The following REXO4 variants were observed in gnomAD, a reference collection of about 807,000 sequenced individuals.
REXO4 encodes the protein RNA exonuclease 4, also known as REX4 homolog, 3'-5' exonuclease.
In REXO4, 29 loss-of-function variants were observed where a neutral mutation model predicts 39.9. That is an observed-to-expected ratio of 0.73 (90% CI 0.54 to 0.99). REXO4 has a LOEUF of 0.99. Ranked by LOEUF, REXO4 falls within the 50% of genes least tolerant of loss-of-function variation. The pLI is 0.00. For missense variants in REXO4, 524 were observed against 546.5 expected (o/e 0.96, Z 0.41); for synonymous variants, 184 against 206.2 (o/e 0.89, Z 0.92).
At chr9:133,415,161 C>T (rs180774035) in intron 1 of REXO4, 150 bp from the exon 2 acceptor site, 53 of 674,000 alleles carry the variant, frequency 7.9e-5, no homozygotes, top group African/African-American at 5.8e-4. Flanking sequence ...CATTTTCAAA[C>T]GGTTTGGAAA....
chr9:133,407,821 C>T lies in REXO4; in HGVS notation c.1135G>A (p.Ala379Thr). Residue 379 changes from alanine (A) to threonine (T), a missense_variant, in exon 7 of 8, where the codon GCG (alanine) becomes ACG (threonine). Physicochemically the swap from Ala to Thr is moderately conservative, Grantham distance 58. Transcript: ENST00000371942. ...EKILGLQVQQ[A>T]EHCSIQDAQA... is the part of the protein sequence containing the mutation. The stretch of plus-strand genomic sequence containing the variant: ...GACACACTTACTGAACAGTGCTCCG[C>T]CTGCTGGACCTGGAGCCCAAGGATC... The T allele has an allele frequency of 6.2e-7, 1 of 1,613,936 alleles. No individual in the cohort carries two copies. The highest frequency in any genetic ancestry group is 8.5e-7 in the Non-Finnish European group (1 of 1,179,946).
chr9:133,411,197 T>TACGGAGGGTGACTCGAAGCCACC, intron 4 of REXO4, 124 bp from the exon 5 acceptor site: 1 of 778,522 alleles, frequency 1.3e-6, no homozygotes, highest in South Asian at 1.5e-5. Context: ...GCAATGCCAC[T>TACGGAGGGTGACTCGAAGCCACC]ACGGAGGGTG....
chr9:133,407,714 C>A, intron 7 of REXO4, 93 bp downstream of exon 7: 1 of 944,212 alleles, frequency 1.1e-6, no homozygotes, highest in Non-Finnish European at 1.6e-6. Context: ...GCCCAAGCCC[C>A]ACCTCCCCCA....
In REXO4 at chr9:133,417,806, C is replaced by G; in HGVS notation, c.39G>C (p.Pro13=). 6.2e-7 allele frequency: 1 copy of G among 1,606,810 alleles called. No homozygotes were observed. Among genetic ancestry groups the G allele is most frequent in the South Asian group, 1.1e-5 (1 of 91,054 alleles). Residue 13 remains proline, a synonymous_variant, in exon 1 of 8, where the codon CCG becomes CCC. Transcript: ENST00000371942. ...GACCCGGCTTAGCCACGGGGCTGCT[C>G]GGGGCGCGCTTGGAGGCGGGGACCT... ...KAKVPASKRA[P]SSPVAKPGPV... is the part of the protein sequence containing the mutation.
In REXO4 at chr9:133,412,329, T is replaced by A; in HGVS notation, c.880A>T (p.Ser294Cys). 1 of 1,614,106 alleles carries A rather than the reference T, an allele frequency of 6.2e-7. No individual in the cohort carries two copies. The highest frequency in any genetic ancestry group is 8.5e-7 in the Non-Finnish European group (1 of 1,180,040). ...TTGAGGTTCTCAGGCCGAATCCCAC[T>A]GACCGCTGTCCTATAGTCCGTCACG... ...EPVTDYRTAV[S>C]GIRPENLKQG... Residue 294 changes from serine to cysteine, a missense_variant, in exon 4 of 8, where the codon AGT (serine) becomes TGT (cysteine). Transcript: ENST00000371942.
Position 133,412,889 on chromosome 9 carries a change from G to A in REXO4, c.605C>T (p.Ala202Val), listed in dbSNP as rs201663352. The A allele has an allele frequency of 5.9e-5, 96 of 1,613,860 alleles. No individual in the cohort carries two copies. The highest frequency in any genetic ancestry group is 6.7e-5 in the East Asian group (3 of 44,900). The part of the protein sequence containing the change: ...EDIWFDDVDP[A>V]DIEAAIGPEA... Reference sequence around the variant, plus strand: ...TGGACCTATGGCAGCTTCGATATCCGCTGGGTCCACGTCGTCAAACCAGAT... The same window carrying A: ...TGGACCTATGGCAGCTTCGATATCCACTGGGTCCACGTCGTCAAACCAGAT... The change falls in exon 3 of 8, where the codon GCG becomes GTG. Residue 202 changes from alanine to valine, a missense_variant. Coordinates refer to ENST00000371942, the MANE Select transcript of REXO4 (RefSeq NM_020385.4).
At chr9:133,407,170 A>G (rs587723998) in intron 7 of REXO4, 98 bp from the exon 8 acceptor site, 1 of 1,554,464 alleles carries the variant, frequency 6.4e-7, no homozygotes, top group East Asian at 2.2e-5. Flanking sequence ...ACTCTGCTAC[A>G]GATGTACTGA....
In REXO4 at chr9:133,412,337, G is replaced by A. The variant is rs1225398465; in HGVS notation, c.872C>T (p.Thr291Ile). The A allele has an allele frequency of 1.2e-6, 2 of 1,614,072 alleles. No individual in the cohort carries two copies. The highest frequency in any genetic ancestry group is 1.3e-5 in the African/African-American group (1 of 75,012). ...CTCAGGCCGAATCCCACTGACCGCT[G>A]TCCTATAGTCCGTCACGGGCTCGGT... ...KPTEPVTDYRTAVSGIRPENL... is the reference protein window; with the variant it reads ...KPTEPVTDYRIAVSGIRPENL... The change falls in exon 4 of 8, where the codon ACA becomes ATA. Residue 291 changes from threonine (T) to isoleucine (I), a missense_variant. By Grantham distance (89) the Thr-to-Ile change is moderately conservative. Transcript: ENST00000371942.
At chr9:133,411,571 G>A (rs1179077718) in intron 4 of REXO4, among the ~76,000 whole-genome samples, 2 of 152,172 alleles carry the variant, frequency 1.3e-5, no homozygotes, top group Non-Finnish European at 2.9e-5. Flanking sequence ...TGTACCCCCC[G>A]AACAGGGGTG....
In REXO4 at chr9:133,406,979, G is replaced by T; in HGVS notation, c.1243C>A (p.Pro415Thr). Residue 415 changes from proline to threonine, a missense_variant, in exon 8 of 8, where the codon CCA (proline) becomes ACA (threonine). Coordinates refer to ENST00000371942, the MANE Select transcript of REXO4 (RefSeq NM_020385.4). ...TAGGCGTCGTCACTGCAGTGGTCTG[G>T]AGCAGTCAGCAGGGGGCGCCTGTCT... ...ARDRRPLLTA[P>T]DHCSDDA The T allele has an allele frequency of 6.2e-7, 1 of 1,612,372 alleles. No individual in the cohort carries two copies. The highest frequency in any genetic ancestry group is 2.2e-5 in the East Asian group (1 of 44,868).
Position 133,412,940 on chromosome 9 carries a change from A to AGGCTGAT in REXO4, c.573-26_573-20dup. 6.2e-7 allele frequency: 1 copy of AGGCTGAT among 1,612,210 alleles called. No homozygotes were observed. The highest frequency in any genetic ancestry group is 8.5e-7 in the Non-Finnish European group (1 of 1,179,262). Reference sequence around the variant, plus strand: ...GTCTTCCCTAAAAGGCAAAGATAACAGGCTGATCACCAGAAGACCCTAGTG... The same window carrying AGGCTGAT: ...GTCTTCCCTAAAAGGCAAAGATAACAGGCTGATGGCTGATCACCAGAAGACCCTAGTG... On this transcript the variant is annotated intron_variant, in intron 2 of 7. Transcript: ENST00000371942.
chr9:133,412,123 G>C (rs587651806), intron 4 of REXO4, among the ~76,000 whole-genome samples, 176 bp downstream of exon 4: 1 of 151,886 alleles, frequency 6.6e-6, no homozygotes, highest in African/African-American at 2.4e-5. Context: ...GGCATAAATG[G>C]GTGTAAAGCC....
At position 133,406,447 on chromosome 9, in the gene REXO4, T is replaced by C. The variant is rs7033317; in HGVS notation, c.*506A>G. 0.046 allele frequency: 7,295 copies of C among 159,692 alleles called. 567 individuals are homozygous for C. The highest frequency in any genetic ancestry group is 0.16 in the African/African-American group (6,743 of 41,742). The allele number at this position is 159,692 out of a possible 1,614,324, so 9.9% of individuals were successfully genotyped here. A position where few individuals can be genotyped will look rare whatever the true frequency, so the allele number is the denominator to read the frequency against. ...TCAAACGGCCACAGGAAACCCCTGATGTAACACCTGTTGTGCCGGCCAGCT... is the reference window on the plus strand; with the variant it reads ...TCAAACGGCCACAGGAAACCCCTGACGTAACACCTGTTGTGCCGGCCAGCT... On this transcript the variant is annotated 3_prime_UTR_variant, in exon 8 of 8. Coordinates refer to ENST00000371942, the MANE Select transcript of REXO4 (RefSeq NM_020385.4).
Position 133,412,318 on chromosome 9 carries a change from C to A in REXO4, c.891G>T (p.Arg297=). 6.2e-7 allele frequency: 1 copy of A among 1,613,874 alleles called. No homozygotes were observed. The highest frequency in any genetic ancestry group is 8.5e-7 in the Non-Finnish European group (1 of 1,180,022). Residue 297 remains arginine, a synonymous_variant, in exon 4 of 8, where the codon CGG becomes CGT. Transcript: ENST00000371942. ...TDYRTAVSGI[R]PENLKQGEEL... ...ACATACCCTGCTTGAGGTTCTCAGG[C>A]CGAATCCCACTGACCGCTGTCCTAT...
Position 133,407,045 on chromosome 9 carries a change from G to C in REXO4, c.1177C>G (p.Leu393Val). The change falls in exon 8 of 8, where the codon CTG (leucine) becomes GTG (valine). Residue 393 changes from leucine to valine, a missense_variant. Transcript: ENST00000371942. The part of the protein sequence containing the change: ...SIQDAQAAMR[L>V]YVMVKKEWES... ...CACTCCTTCTTCACCATGACGTACA[G>C]CCTCATTGCTGCCTGGGCATCCTGA... is the stretch of plus-strand genomic sequence containing the variant. 1 of 1,613,328 alleles carries C rather than the reference G, an allele frequency of 6.2e-7. No homozygotes were observed. Among genetic ancestry groups the C allele is most frequent in the Non-Finnish European group, 8.5e-7 (1 of 1,180,022 alleles).
chr9:133,408,571 T>C (rs1839038227), intron 6 of REXO4, among the ~76,000 whole-genome samples, 197 bp downstream of exon 6: 1 of 151,974 alleles, frequency 6.6e-6, no homozygotes, highest in African/African-American at 2.4e-5. Context: ...AGAGTGGAAA[T>C]AACTTGCCCT....
chr9:133,408,681 C>T (rs1839043809), intron 6 of REXO4, 87 bp downstream of exon 6: 2 of 899,514 alleles, frequency 2.2e-6, no homozygotes, highest in African/African-American at 1.7e-5. Flanking sequence ...ACCCTTTAAC[C>T]AACAAGTCAG....
chr9:133,409,887 T>G (rs1009027252), intron 5 of REXO4, among the ~76,000 whole-genome samples: 3 of 152,140 alleles, frequency 2.0e-5, no homozygotes, highest in African/African-American at 7.2e-5. Flanking sequence ...CAAGAAAGAC[T>G]TGAACATGTG....
chr9:133,407,768 GCC>G (rs782645407), intron 7 of REXO4, 37 bp downstream of exon 7: 1 of 1,573,598 alleles, frequency 6.4e-7, no homozygotes, highest in Non-Finnish European at 8.7e-7. Context: ...GTGGGAAACC[GCC>G]CCAAACCCCA....
Sources: gnomAD v4.1 joint callset for allele counts (sites outside exome capture counted in the v4.1 genomes callset) on GRCh38, gnomAD v4.1.1 for gene constraint, MANE v1.5 for transcripts, NCBI Gene and HGNC (gene_info 2026-07-23, HGNC 2026-07-21) for gene names.